Variants in NDRG1 observed in about 807,000 individuals in gnomAD.
NDRG1 encodes protein NDRG1.
A neutral mutation model predicts 56.9 loss-of-function variants in NDRG1; 32 were observed. The ratio of observed to expected loss-of-function variants is 0.56; its 90% CI spans 0.42 to 0.76. The LOEUF (loss-of-function observed/expected upper bound fraction) is 0.76, where lower values mean the gene tolerates loss of function less well. Among genes scored for constraint, NDRG1 ranks in the 30% least tolerant of loss-of-function variants. The pLI, the probability that NDRG1 is intolerant of heterozygous loss-of-function variation, is 0.00. For missense variants in NDRG1, 507 were observed against 545.7 expected (o/e 0.93, Z 0.71); for synonymous variants, 211 against 204.1 (o/e 1.03, Z -0.29).
At chr8:133,286,649 G>A (rs377454524) in intron 1 of NDRG1, among the ~76,000 whole-genome samples, 1 of 152,286 alleles carries the variant, frequency 6.6e-6, no homozygotes, top group African/African-American at 2.4e-5. Flanking sequence ...ACTGCTAAAG[G>A]CCTTTGGGAA....
At chr8:133,290,585 C>T (rs1858375479) in intron 1 of NDRG1, among the ~76,000 whole-genome samples, 1 of 152,194 alleles carries the variant, frequency 6.6e-6, no homozygotes, top group South Asian at 2.1e-4. Context: ...ACAGTCCTCA[C>T]CACCACCCGT....
chr8:133,292,493 C>T lies in NDRG1; in HGVS notation c.-19+4641G>A, dbSNP rs536892908. Among the ~76,000 whole-genome samples, 11 of 152,306 alleles carry T rather than the reference C, an allele frequency of 7.2e-5. No individual in the cohort carries two copies. In the South Asian group the frequency reaches 1.9e-3, roughly 26 times the overall value. On this transcript the variant is annotated intron_variant, in intron 1 of 15. Coordinates refer to ENST00000323851, the MANE Select transcript of NDRG1 (RefSeq NM_006096.4). ...GACAGGTCCCAGGAAGGACCCAACC[C>T]AGCCTCCCCTCCAGCAGAGGACAGC...
intron 14 of NDRG1, 83 bp from the exon 15 acceptor site, chr8:133,242,157 A>C: frequency 7.1e-7 from 1 of 1,415,902 alleles, no homozygotes; most frequent in East Asian, 2.3e-5. Flanking sequence ...GCCTGTGGTC[A>C]CCTTCATTTG....
At chr8:133,287,945 G>GCGCA (rs1858212977) in intron 1 of NDRG1, among the ~76,000 whole-genome samples, 2 of 149,132 alleles carry the variant, frequency 1.3e-5, no homozygotes, top group African/African-American at 4.9e-5. Context: ...GTGCACACAC[G>GCGCA]CACACACACA....
At chr8:133,252,612 C>T (rs1856121367) in intron 9 of NDRG1, among the ~76,000 whole-genome samples, 1 of 150,622 alleles carries the variant, frequency 6.6e-6, no homozygotes, top group African/African-American at 2.4e-5. Context: ...CACTCGCCAA[C>T]TCCGGAGTGG....
chr8:133,295,236 T>A (rs1466187265), intron 1 of NDRG1, among the ~76,000 whole-genome samples: 2 of 152,200 alleles, frequency 1.3e-5, no homozygotes, highest in African/African-American at 4.8e-5. Context: ...CCCAGAGCCA[T>A]CCACTTCATC....
intron 3 of NDRG1, among the ~76,000 whole-genome samples, chr8:133,265,337 T>C (rs1856862166): frequency 1.3e-5 from 2 of 152,140 alleles, no homozygotes; most frequent in Non-Finnish European, 2.9e-5. Context: ...GCTGGATCTG[T>C]AGCAGCCACA....
chr8:133,273,716 C>T (rs1857310038), intron 3 of NDRG1, among the ~76,000 whole-genome samples: 1 of 152,210 alleles, frequency 6.6e-6, no homozygotes, highest in Non-Finnish European at 1.5e-5. Flanking sequence ...GGTCTCTCAT[C>T]TGCAAAAGAG....
intron 1 of NDRG1, chr8:133,296,382 C>T (rs1004011407): frequency 2.1e-5 from 9 of 430,218 alleles, no homozygotes; most frequent in Admixed American, 4.9e-5. Flanking sequence ...CGCCGATGCG[C>T]CAATCCCGGG....
chr8:133,263,957 C>A (rs2929987), intron 4 of NDRG1, among the ~76,000 whole-genome samples: 121,042 of 149,920 alleles, frequency 0.81, 49,144 homozygotes, highest in East Asian at 1. Flanking sequence ...GAAAAAAGAA[C>A]GAATAAAGTG....
At chr8:133,264,763 C>A in intron 3 of NDRG1, 111 bp from the exon 4 acceptor site, 3 of 937,548 alleles carry the variant, frequency 3.2e-6, no homozygotes, top group Non-Finnish European at 5.2e-6. Context: ...CTCTTCTCAT[C>A]TGGCCATAAG....
chr8:133,283,383 T>C (rs978762608), intron 2 of NDRG1, among the ~76,000 whole-genome samples: 1 of 152,264 alleles, frequency 6.6e-6, no homozygotes, highest in South Asian at 2.1e-4. Flanking sequence ...GAGGCAGTTA[T>C]GAGGCTAAGT....
Position 133,244,364 on chromosome 8 carries a change from C to G in NDRG1, c.882G>C (p.Gln294His). ...CCAACATGGCACTCACCTGGGAGATCTGCGGGAGGCCGCCACAGTCCGCCA... is the reference window on the plus strand; with the variant it reads ...CCAACATGGCACTCACCTGGGAGATGTGCGGGAGGCCGCCACAGTCCGCCA... ...LKMADCGGLP[Q>H]ISQPAKLAEA... Residue 294 changes from glutamine (Q) to histidine (H), a missense_variant, in exon 14 of 16, where the codon CAG (glutamine) becomes CAC (histidine). Transcript: ENST00000323851. The G allele has an allele frequency of 1.2e-6, 2 of 1,614,224 alleles. No homozygotes were observed. The highest frequency in any genetic ancestry group is 1.7e-6 in the Non-Finnish European group (2 of 1,180,036).
At chr8:133,273,003 C>T (rs1857271428) in intron 3 of NDRG1, among the ~76,000 whole-genome samples, 1 of 152,206 alleles carries the variant, frequency 6.6e-6, no homozygotes. Context: ...GATTGTACAT[C>T]CCTAAGACCA....
At chr8:133,291,147 T>C (rs182268329) in intron 1 of NDRG1, among the ~76,000 whole-genome samples, 3 of 152,244 alleles carry the variant, frequency 2.0e-5, no homozygotes, top group Admixed American at 6.5e-5. Context: ...AAGGGTAGCA[T>C]CGATTGTCAC....
intron 6 of NDRG1, among the ~76,000 whole-genome samples, chr8:133,258,741 T>G (rs2130726064): frequency 6.6e-6 from 1 of 152,354 alleles, no homozygotes; most frequent in South Asian, 2.1e-4. Flanking sequence ...TTCTAAAACT[T>G]GGAATGAAAA....
intron 9 of NDRG1, among the ~76,000 whole-genome samples, chr8:133,252,931 A>T (rs1301551654): frequency 6.7e-6 from 1 of 150,058 alleles, no homozygotes; most frequent in African/African-American, 2.5e-5. Context: ...ACACTCGTCA[A>T]CTCCAGAGTG....
At chr8:133,269,924 G>A (rs1445922106) in intron 3 of NDRG1, among the ~76,000 whole-genome samples, 3 of 152,254 alleles carry the variant, frequency 2.0e-5, no homozygotes, top group South Asian at 4.1e-4. Context: ...CTGCACGCAT[G>A]TGTGTCTTTG....
At chr8:133,287,107 A>T (rs954662301) in intron 1 of NDRG1, among the ~76,000 whole-genome samples, 1 of 152,178 alleles carries the variant, frequency 6.6e-6, no homozygotes, top group African/African-American at 2.4e-5. Flanking sequence ...AAACTTTTCA[A>T]ACTTTTTTTG....
Sources: gnomAD v4.1 joint callset for allele counts (sites outside exome capture counted in the v4.1 genomes callset) on GRCh38, gnomAD v4.1.1 for gene constraint, MANE v1.5 for transcripts, NCBI Gene and HGNC (gene_info 2026-07-23, HGNC 2026-07-21) for gene names.